HERC2: variants seen among roughly 807,000 people sequenced by gnomAD.
HERC2 encodes the protein E3 ubiquitin-protein ligase HERC2.
HERC2 carries 102 observed loss-of-function variants against 537.7 expected under a neutral mutation model. That is an observed-to-expected ratio of 0.19 (90% confidence interval 0.16 to 0.22). The LOEUF (loss-of-function observed/expected upper bound fraction) is 0.22. HERC2 is among the 10% of genes least tolerant of loss of function. The pLI is 1.00. For missense variants in HERC2, 4,236 were observed against 6,198.2 expected, an observed-to-expected ratio of 0.68 and a Z score of 10.63; for synonymous variants, 2,224 against 2,466.2, an observed-to-expected ratio of 0.90 and a Z score of 2.91.
At chr15:28,236,158 A>AT (rs1902421729) in intron 26 of HERC2, among the ~76,000 whole-genome samples, 1 of 152,034 alleles carries the variant, frequency 6.6e-6, no homozygotes, top group Non-Finnish European at 1.5e-5. Flanking sequence ...ACGGGTAGAG[A>AT]TTCCTGCACA....
intron 70 of HERC2, among the ~76,000 whole-genome samples, chr15:28,147,556 T>C (rs942902204): frequency 6.6e-6 from 1 of 152,066 alleles, no homozygotes; most frequent in Non-Finnish European, 1.5e-5. Context: ...GGGGATCGCT[T>C]GAGCCCAGAG....
chr15:28,232,328 G>A (rs150619151), intron 30 of HERC2, among the ~76,000 whole-genome samples: 2,788 of 152,172 alleles, frequency 0.018, 78 homozygotes, highest in African/African-American at 0.064. Context: ...AGATCACGAG[G>A]TCAGGAGATC....
rs181186906 is a variant in HERC2 at position 28,154,393 on chromosome 15, T to C, written c.10747-1563A>G. Among the ~76,000 whole-genome samples the C allele has an allele frequency of 9.8e-5, 15 of 152,336 alleles. No individual in the cohort carries two copies. In the East Asian group the frequency reaches 2.5e-3, roughly 25 times the overall value. Reference sequence around the variant, plus strand: ...ATCAGGTCAGGGCAGGACACAGAAATAGCCATCTTGCCAACCTGGCAAGGG... The same window carrying C: ...ATCAGGTCAGGGCAGGACACAGAAACAGCCATCTTGCCAACCTGGCAAGGG... On this transcript the variant is annotated intron_variant, in intron 69 of 92. Coordinates refer to ENST00000261609, the MANE Select transcript of HERC2 (RefSeq NM_004667.6).
At chr15:28,121,306 C>T in intron 86 of HERC2, 40 bp downstream of exon 86, 1 of 1,576,962 alleles carries the variant, frequency 6.3e-7, no homozygotes, top group African/African-American at 1.3e-5. Flanking sequence ...AGCATCACTT[C>T]TAAGGCTGTC....
In HERC2 at chr15:28,257,106, C is replaced by T. The variant is rs1484787674; in HGVS notation, c.2472G>A (p.Glu824=). The T allele has an allele frequency of 1.2e-6, 2 of 1,613,942 alleles. No individual in the cohort carries two copies. The highest frequency in any genetic ancestry group is 2.2e-5 in the South Asian group (2 of 91,072). ...DGSADWPPPQ[E]KECVAVATLN... is the part of the protein sequence containing the mutation. Reference sequence around the variant, plus strand: ...GCGTTGCCACGGCCACACACTCTTTCTCCTGGGGCGGGGGCCAGTCCGCGG... The same window carrying T: ...GCGTTGCCACGGCCACACACTCTTTTTCCTGGGGCGGGGGCCAGTCCGCGG... Residue 824 remains glutamate, a synonymous_variant, in exon 17 of 93, where the codon GAG becomes GAA. Coordinates refer to ENST00000261609, the MANE Select transcript of HERC2 (RefSeq NM_004667.6).
intron 86 of HERC2, 67 bp from the exon 87 acceptor site, chr15:28,117,221 G>A: frequency 6.7e-7 from 1 of 1,489,548 alleles, no homozygotes; most frequent in Non-Finnish European, 9.4e-7. Context: ...TCGGGGATAT[G>A]CGGCACTGGC....
intron 69 of HERC2, among the ~76,000 whole-genome samples, chr15:28,158,832 T>G (rs1893284555): frequency 6.6e-6 from 1 of 152,180 alleles, no homozygotes; most frequent in African/African-American, 2.4e-5. Context: ...TTCCTAGCAT[T>G]GATGGTCTTT....
intron 5 of HERC2, among the ~76,000 whole-genome samples, chr15:28,275,525 T>C (rs2075849276): frequency 1.3e-5 from 2 of 152,234 alleles, no homozygotes; most frequent in Admixed American, 1.3e-4. Flanking sequence ...ATCACCCTCC[T>C]GTGTCTATTT....
intron 50 of HERC2, among the ~76,000 whole-genome samples, chr15:28,197,395 C>T (rs1317320160): frequency 6.6e-6 from 1 of 152,112 alleles, no homozygotes; most frequent in African/African-American, 2.4e-5. Context: ...GAGAATTGTT[C>T]CCAGTTCCTA....
Position 28,198,628 on chromosome 15 carries a change from C to T in HERC2, c.7858G>A (p.Val2620Ile). The T allele has an allele frequency of 6.2e-7, 1 of 1,613,924 alleles. No individual in the cohort carries two copies. Among genetic ancestry groups the T allele is most frequent in the Non-Finnish European group, 8.5e-7 (1 of 1,179,892 alleles). Residue 2620 changes from valine to isoleucine, a missense_variant, in exon 49 of 93, where the codon GTT becomes ATT. Val to Ile is a conservative substitution (Grantham distance 29, BLOSUM62 3). Transcript: ENST00000261609. Reference sequence around the variant, plus strand: ...ATAAGTTCCACATGAATGTACCTAACCCAGTAGGTGCCCCCTTTCTGCTGC... The same window carrying T: ...ATAAGTTCCACATGAATGTACCTAATCCAGTAGGTGCCCCCTTTCTGCTGC... ...DWQQKGGTYW[V>I]RYIHVELIGY...
intron 25 of HERC2, among the ~76,000 whole-genome samples, chr15:28,237,720 T>C (rs1178150212): frequency 1.3e-5 from 2 of 152,218 alleles, no homozygotes; most frequent in African/African-American, 4.8e-5. Context: ...ATATAAATTC[T>C]ATGTGTTCGT....
At chr15:28,260,087 C>T (rs1309364185) in intron 16 of HERC2, among the ~76,000 whole-genome samples, 1 of 151,508 alleles carries the variant, frequency 6.6e-6, no homozygotes, top group Non-Finnish European at 1.5e-5. Flanking sequence ...CACCTGTAAT[C>T]CCAGCACTTT....
intron 56 of HERC2, 44 bp downstream of exon 56, chr15:28,186,533 A>G (rs746668494): frequency 2.6e-6 from 4 of 1,520,280 alleles, no homozygotes; most frequent in Non-Finnish European, 3.6e-6. Context: ...GGATCCAGGA[A>G]TGTAGCGGGA....
At chr15:28,284,919 G>GA (rs551327935) in intron 4 of HERC2, among the ~76,000 whole-genome samples, 13,958 of 32,452 alleles carry the variant, frequency 0.43, 5,324 homozygotes, top group Non-Finnish European at 0.67. Context: ...CTCCGTCTCG[G>GA]AAAAAAAAAA....
intron 19 of HERC2, 99 bp downstream of exon 19, chr15:28,255,772 AG>A (rs2075239355): frequency 7.8e-7 from 1 of 1,283,118 alleles, no homozygotes. Flanking sequence ...ATATGATAAA[AG>A]TTTAGAGTTT....
At chr15:28,112,533 T>G (rs1887760533) in intron 92 of HERC2, among the ~76,000 whole-genome samples, 1 of 152,252 alleles carries the variant, frequency 6.6e-6, no homozygotes, top group Admixed American at 6.5e-5. Context: ...CAGGCTGTGC[T>G]GGACACATGC....
chr15:28,117,807 C>G, intron 86 of HERC2: 1 of 346,902 alleles, frequency 2.9e-6, no homozygotes, highest in Non-Finnish European at 5.7e-6. Context: ...CAGGGGCCTC[C>G]AATTCCCAAA....
At position 28,280,234 on chromosome 15, in the gene HERC2, G is replaced by A; in HGVS notation, c.376C>T (p.Leu126=). Residue 126 remains leucine, a synonymous_variant, in exon 5 of 93, where the codon CTG becomes TTG. Transcript: ENST00000261609. ...LSVLVKEQQA[L]AVQSATTTLS... is the part of the protein sequence containing the mutation. Reference sequence around the variant, plus strand: ...GTGGTGGTGGCTGACTGGACGGCCAGGGCCTGCTGCTCTTTAACCAGCACA... The same window carrying A: ...GTGGTGGTGGCTGACTGGACGGCCAAGGCCTGCTGCTCTTTAACCAGCACA... The A allele has an allele frequency of 1.2e-6, 2 of 1,614,148 alleles. No homozygotes were observed. The highest frequency in any genetic ancestry group is 1.3e-5 in the African/African-American group (1 of 75,040).
Position 28,314,632 on chromosome 15 carries a change from G to A in HERC2, c.72+6730C>T, listed in dbSNP as rs138986321. On this transcript the variant is annotated intron_variant, in intron 2 of 92. Transcript: ENST00000261609. ...CAGACTTTGGGAGGCCAAGGCGGGC[G>A]GATCATGAGGTCAGGAGTTCAAGAC... 5.4e-3 allele frequency among the ~76,000 whole-genome samples: 826 copies of A among 152,088 alleles called. 6 individuals are homozygous for A. Among genetic ancestry groups the A allele is most frequent in the Admixed American group, 0.047 (714 of 15,194 alleles).
Sources: allele counts gnomAD v4.1 joint callset (sites outside exome capture counted in the v4.1 genomes callset), GRCh38; gene constraint gnomAD v4.1.1; transcripts MANE v1.5; gene names NCBI Gene and HGNC (gene_info 2026-07-23, HGNC 2026-07-21).